FRMPD3: variants seen among roughly 807,000 people sequenced by gnomAD.
FRMPD3 encodes the protein FERM and PDZ domain containing 3, also known as FERM and PDZ domain-containing protein 3.
A neutral mutation model predicts 97.9 loss-of-function variants in FRMPD3; 42 were observed. The observed-to-expected ratio is 0.43, with a 90% CI of 0.34 to 0.55. The LOEUF (loss-of-function observed/expected upper bound fraction) is 0.55, where lower values mean the gene tolerates loss of function less well. Ranked by LOEUF, FRMPD3 falls within the 20% of genes least tolerant of loss-of-function variation. The pLI is 0.03. For missense variants in FRMPD3, 1,303 were observed against 1,457.7 expected (o/e 0.89, Z 1.73); for synonymous variants, 577 against 581.1 (o/e 0.99, Z 0.10).
chrX:107,477,358 G>A (rs1921226710), intron 1 of FRMPD3, among the ~76,000 whole-genome samples: 1 of 110,478 alleles, frequency 9.1e-6, no homozygotes, highest in South Asian at 3.9e-4. Context: ...GGGGCTGGGG[G>A]GTGGGGAGAA....
intron 1 of FRMPD3, among the ~76,000 whole-genome samples, chrX:107,486,202 T>G (rs958985317): frequency 4.4e-5 from 5 of 112,539 alleles, no homozygotes; most frequent in South Asian, 3.6e-4. Context: ...GACCCTTTCC[T>G]GGGTGCCATC....
chrX:107,457,402 A>T (rs1410274321), intron 1 of FRMPD3, among the ~76,000 whole-genome samples: 6 of 111,740 alleles, frequency 5.4e-5, no homozygotes, highest in Non-Finnish European at 1.1e-4. Flanking sequence ...ACAATTCTGG[A>T]TAGAGAGAAG....
chrX:107,602,191 A>T lies in FRMPD3; in HGVS notation c.4152A>T (p.Gly1384=), dbSNP rs781281146. The change falls in exon 15 of 15, where the codon GGA becomes GGT. Residue 1384 remains glycine (G), a synonymous_variant. Transcript: ENST00000683843. The part of the protein sequence containing the change: ...TTCASGGECL[G]APNYRKLMRR... ...GTGCCTCGGGGGGCGAGTGTCTGGG[A>T]GCTCCCAATTACAGGAAACTGATGC... 3.4e-5 allele frequency: 41 copies of T among 1,208,632 alleles called. No individual in the cohort carries two copies. In the East Asian group the frequency reaches 1.2e-3, roughly 36 times the overall value.
At chrX:107,501,353 ATTTTTTT>A (rs1180253334) in intron 1 of FRMPD3, among the ~76,000 whole-genome samples, 2 of 44,737 alleles carry the variant, frequency 4.5e-5, no homozygotes, top group African/African-American at 1.9e-4. Context: ...CTTGTCTCCT[ATTTTTTT>A]TTTTTTTTTT....
At chrX:107,573,969 A>G (rs972377575) in intron 12 of FRMPD3, among the ~76,000 whole-genome samples, 2 of 112,330 alleles carry the variant, frequency 1.8e-5, no homozygotes, top group African/African-American at 6.5e-5. Context: ...AGCTAGGGCG[A>G]GGAGGTTGCA....
Position 107,603,879 on chromosome X carries a change from C to A in FRMPD3, c.*506C>A, listed in dbSNP as rs1924687959. 1 of 113,997 alleles carries A rather than the reference C, an allele frequency of 8.8e-6. No individual in the cohort carries two copies. The highest frequency in any genetic ancestry group is 9.2e-5 in the Admixed American group (1 of 10,907). 9.4% of individuals were successfully genotyped at this position (113,997 alleles called of 1,213,427 possible). A position where few individuals can be genotyped will look rare whatever the true frequency, so the allele number is the denominator to read the frequency against. On this transcript the variant is annotated 3_prime_UTR_variant, in exon 15 of 15. Transcript: ENST00000683843. ...CCCATCCACCTTGGGCTCACACTCA[C>A]CTGGTAGATGCCACCCTGAGGGCCT...
chrX:107,591,927 GTTATT>G (rs1923922804), intron 13 of FRMPD3, among the ~76,000 whole-genome samples: 2 of 111,570 alleles, frequency 1.8e-5, no homozygotes, highest in Admixed American at 1.9e-4. Context: ...TACTCTTTTA[GTTATT>G]TTATTTTATT....
Position 107,475,869 on chromosome X carries a change from TG to T in FRMPD3, c.-8+25866del, listed in dbSNP as rs754506081. On this transcript the variant is annotated intron_variant, in intron 1 of 14. Transcript: ENST00000683843. Reference sequence around the variant, plus strand: ...CAATTTCCTCACCTGTAAAATGAAGTGGTGTTATTTTTATTTTATTTTGTTT... The same window carrying T: ...CAATTTCCTCACCTGTAAAATGAAGTGTGTTATTTTTATTTTATTTTGTTT... Among the ~76,000 whole-genome samples the T allele has an allele frequency of 5.4e-5, 6 of 111,933 alleles. No homozygotes were observed. The South Asian group carries it at 1.9e-3, about 35-fold the overall frequency.
intron 1 of FRMPD3, among the ~76,000 whole-genome samples, chrX:107,457,734 C>T (rs1454561875): frequency 2.7e-5 from 3 of 111,899 alleles, no homozygotes; most frequent in Non-Finnish European, 5.6e-5. Context: ...ATTTCGACAC[C>T]TCAGTAGGAA....
At chrX:107,538,030 G>A (rs1466652455) in intron 4 of FRMPD3, among the ~76,000 whole-genome samples, 1 of 111,560 alleles carries the variant, frequency 9.0e-6, no homozygotes, top group Non-Finnish European at 1.9e-5. Context: ...TGTAGTGCAA[G>A]AAAGAAACTG....
At chrX:107,454,500 G>A (rs1931344329) in intron 1 of FRMPD3, among the ~76,000 whole-genome samples, 2 of 110,977 alleles carry the variant, frequency 1.8e-5, no homozygotes, top group Non-Finnish European at 3.8e-5. Context: ...AAGGCTTCTT[G>A]TCTCCCAGTC....
intron 12 of FRMPD3, among the ~76,000 whole-genome samples, chrX:107,571,177 A>T (rs1224508093): frequency 1.8e-5 from 2 of 111,926 alleles, no homozygotes; most frequent in East Asian, 5.6e-4. Context: ...GTGGCCCAGT[A>T]TGTGTCCTAT....
chrX:107,548,220 T>C (rs1326740261), intron 5 of FRMPD3, among the ~76,000 whole-genome samples: 1 of 112,642 alleles, frequency 8.9e-6, no homozygotes, highest in Non-Finnish European at 1.9e-5. Flanking sequence ...TTAGCCATCT[T>C]ATACCTGTTG....
intron 10 of FRMPD3, among the ~76,000 whole-genome samples, chrX:107,561,556 A>G (rs897127262): frequency 4.5e-5 from 5 of 110,695 alleles, no homozygotes; most frequent in African/African-American, 1.6e-4. Context: ...AGGGACTCCC[A>G]CTGTCTGCTT....
intron 1 of FRMPD3, among the ~76,000 whole-genome samples, chrX:107,497,767 AAATTACC>A (rs1234949210): frequency 8.9e-6 from 1 of 112,437 alleles, no homozygotes; most frequent in Non-Finnish European, 1.9e-5. Flanking sequence ...CTTGGAGTGT[AAATTACC>A]ATGAATACCA....
intron 1 of FRMPD3, among the ~76,000 whole-genome samples, chrX:107,515,570 AAAAG>A (rs1316596615): frequency 3.6e-5 from 4 of 111,985 alleles, no homozygotes; most frequent in Admixed American, 9.5e-5. Flanking sequence ...TAAAAGAAAA[AAAAG>A]AGATGAAGTG....
At chrX:107,465,871 CA>C (rs746479163) in intron 1 of FRMPD3, among the ~76,000 whole-genome samples, 53 of 94,683 alleles carry the variant, frequency 5.6e-4, no homozygotes, top group Admixed American at 8.0e-4. Context: ...GCTGCTCTAC[CA>C]AAAAAAAAAA....
intron 12 of FRMPD3, among the ~76,000 whole-genome samples, chrX:107,568,876 T>C (rs1006247661): frequency 2.8e-5 from 3 of 109,019 alleles, no homozygotes; most frequent in African/African-American, 1.0e-4. Flanking sequence ...CTGGGCAATA[T>C]AGTGAGACCC....
At position 107,602,306 on chromosome X, in the gene FRMPD3, A is replaced by G. The variant is rs1203904249; in HGVS notation, c.4267A>G (p.Arg1423Gly). Residue 1423 changes from arginine (R) to glycine (G), a missense_variant, in exon 15 of 15, where the codon AGG becomes GGG. This residue lies in a region of FRMPD3 where 764 missense variants were observed against 820.2 expected (regional missense o/e 0.93). Coordinates refer to ENST00000683843, the MANE Select transcript of FRMPD3 (RefSeq NM_001388459.1). Reference protein sequence around the residue: ...YPHPPLGMLPREAKEVEASLP... With the variant: ...YPHPPLGMLPGEAKEVEASLP... ...ACATCCTCCCCTGGGCATGCTGCCC[A>G]GGGAGGCCAAGGAGGTAGAGGCAAG... 3 of 1,209,339 alleles carry G rather than the reference A, an allele frequency of 2.5e-6. No individual in the cohort carries two copies. Among genetic ancestry groups the G allele is most frequent in the South Asian group, 3.5e-5 (2 of 56,815 alleles).
Sources: allele counts gnomAD v4.1 joint callset (sites outside exome capture counted in the v4.1 genomes callset), GRCh38; gene constraint gnomAD v4.1.1; regional missense constraint gnomAD v4.1.1; transcripts MANE v1.5; gene names NCBI Gene and HGNC (gene_info 2026-07-23, HGNC 2026-07-21).